The following GRM8 variants were observed in gnomAD, a reference collection of about 807,000 sequenced individuals.
GRM8 encodes the protein metabotropic glutamate receptor 8.
Under a neutral mutation model 87.2 loss-of-function variants are expected in GRM8, and 47 were observed. The ratio of observed to expected loss-of-function variants is 0.54; its 90% CI spans 0.43 to 0.69. The LOEUF is 0.69. Ranked by LOEUF, GRM8 falls within the 30% of genes least tolerant of loss-of-function variation. GRM8 has a pLI of 0.00. For synonymous variants in GRM8, 396 were observed against 404.5 expected (o/e 0.98, Z 0.25); for missense variants, 1,019 against 1,139.2 (o/e 0.89, Z 1.52).
intron 3 of GRM8, among the ~76,000 whole-genome samples, chr7:127,102,962 A>C (rs1825446166): frequency 1.3e-5 from 2 of 152,190 alleles, no homozygotes; most frequent in Non-Finnish European, 2.9e-5. Context: ...TCCCAGGTTC[A>C]AGCAATTCTC....
At chr7:126,876,103 T>C (rs1053129619) in intron 6 of GRM8, among the ~76,000 whole-genome samples, 1 of 152,166 alleles carries the variant, frequency 6.6e-6, no homozygotes, top group African/African-American at 2.4e-5. Flanking sequence ...CAGCTTTCCA[T>C]GATCTCCTCA....
chr7:127,094,733 A>T (rs1824472976), intron 3 of GRM8, among the ~76,000 whole-genome samples: 1 of 152,210 alleles, frequency 6.6e-6, no homozygotes, highest in Non-Finnish European at 1.5e-5. Context: ...GCCCTAGCAA[A>T]CTAATACAGT....
chr7:126,740,044 T>C (rs545976687), intron 7 of GRM8, among the ~76,000 whole-genome samples: 2 of 152,180 alleles, frequency 1.3e-5, no homozygotes, highest in African/African-American at 4.8e-5. Context: ...CCCCCAACGT[T>C]AAGTGACACA....
intron 2 of GRM8, among the ~76,000 whole-genome samples, chr7:127,224,645 C>T (rs1279766891): frequency 6.6e-6 from 1 of 152,154 alleles, no homozygotes; most frequent in Admixed American, 6.5e-5. Context: ...ATCGAGTTTG[C>T]TTTGCTTCTC....
At chr7:126,631,547 T>C (rs1563034585) in intron 7 of GRM8, among the ~76,000 whole-genome samples, 1 of 151,688 alleles carries the variant, frequency 6.6e-6, no homozygotes, top group Non-Finnish European at 1.5e-5. Flanking sequence ...AAAATTGATA[T>C]TAAAAACAAA....
chr7:126,441,940 C>G (rs903667547), intron 10 of GRM8, among the ~76,000 whole-genome samples: 4 of 151,930 alleles, frequency 2.6e-5, no homozygotes, highest in African/African-American at 9.7e-5. Context: ...TATTGTGGCA[C>G]CCTGCAAAGG....
At chr7:126,962,698 A>G (rs1468924783) in intron 3 of GRM8, among the ~76,000 whole-genome samples, 2 of 152,200 alleles carry the variant, frequency 1.3e-5, no homozygotes, top group African/African-American at 2.4e-5. Context: ...AACACTTAAC[A>G]TTGTTTTCTT....
intron 9 of GRM8, among the ~76,000 whole-genome samples, chr7:126,526,547 C>T (rs1813879741): frequency 6.6e-6 from 1 of 152,180 alleles, no homozygotes. Flanking sequence ...TAATAATCAA[C>T]ACTTAAATTA....
At chr7:126,510,418 G>T (rs577327656) in intron 9 of GRM8, among the ~76,000 whole-genome samples, 50 of 152,056 alleles carry the variant, frequency 3.3e-4, no homozygotes, top group Middle Eastern at 6.8e-3. Flanking sequence ...TGAGAGAACT[G>T]ACCTGTGCTA....
intron 1 of GRM8, among the ~76,000 whole-genome samples, chr7:127,247,972 C>T (rs1345660038): frequency 2.0e-5 from 3 of 152,000 alleles, no homozygotes; most frequent in Non-Finnish European, 2.9e-5. Flanking sequence ...AGGAGAAGCT[C>T]GACTTACTAA....
At chr7:127,018,684 C>G (rs1434656349) in intron 3 of GRM8, among the ~76,000 whole-genome samples, 1 of 151,932 alleles carries the variant, frequency 6.6e-6, no homozygotes, top group Non-Finnish European at 1.5e-5. Context: ...CAGGAGGCTG[C>G]TAAGGATTAC....
chr7:126,907,388 C>T (rs1042606800), intron 3 of GRM8, among the ~76,000 whole-genome samples: 1 of 151,870 alleles, frequency 6.6e-6, no homozygotes, highest in Non-Finnish European at 1.5e-5. Flanking sequence ...AGAAATAATA[C>T]ATAATTATAA....
At chr7:127,222,143 T>C (rs190699640) in intron 2 of GRM8, among the ~76,000 whole-genome samples, 5 of 152,300 alleles carry the variant, frequency 3.3e-5, no homozygotes, top group Admixed American at 3.3e-4. Flanking sequence ...CAGTGGCTCA[T>C]GCCAGTAATC....
intron 9 of GRM8, among the ~76,000 whole-genome samples, chr7:126,530,300 C>G (rs1418384747): frequency 6.6e-6 from 1 of 152,224 alleles, no homozygotes; most frequent in African/African-American, 2.4e-5. Flanking sequence ...TTTTGCTCTT[C>G]TACATGTTGG....
chr7:126,465,431 A>T (rs1804380636), intron 9 of GRM8: 1 of 151,678 alleles, frequency 6.6e-6, no homozygotes, highest in African/African-American at 2.4e-5. Context: ...TCGGTATTTG[A>T]TATCTTTATA....
chr7:127,148,485 T>G (rs2133302393), intron 2 of GRM8, among the ~76,000 whole-genome samples: 1 of 151,504 alleles, frequency 6.6e-6, no homozygotes, highest in African/African-American at 2.4e-5. Flanking sequence ...CTAGGAGACA[T>G]AGACAAAAAT....
intron 3 of GRM8, among the ~76,000 whole-genome samples, chr7:126,967,347 A>T (rs1035518359): frequency 6.6e-5 from 10 of 152,206 alleles, no homozygotes; most frequent in African/African-American, 9.6e-5. Flanking sequence ...TACTTTGTTC[A>T]TGTCAATTCA....
At chr7:126,571,015 G>A (rs1234567260) in intron 8 of GRM8, among the ~76,000 whole-genome samples, 1 of 152,114 alleles carries the variant, frequency 6.6e-6, no homozygotes, top group Non-Finnish European at 1.5e-5. Context: ...CATAAATGAG[G>A]CAACATTGCA....
chr7:126,646,951 G>C (rs10233978), intron 7 of GRM8, among the ~76,000 whole-genome samples: 3,938 of 152,216 alleles, frequency 0.026, 183 homozygotes, highest in African/African-American at 0.09. Flanking sequence ...CAGGGCTGGT[G>C]CTATATTTAC....
Sources: allele counts gnomAD v4.1 joint callset (sites outside exome capture counted in the v4.1 genomes callset), GRCh38; gene constraint gnomAD v4.1.1; transcripts MANE v1.5; gene names NCBI Gene and HGNC (gene_info 2026-07-23, HGNC 2026-07-21).